CACNA1G: variants seen among roughly 807,000 people sequenced by gnomAD.
CACNA1G encodes voltage-dependent T-type calcium channel subunit alpha-1G.
Under a neutral mutation model 219.4 loss-of-function variants are expected in CACNA1G, and 67 were observed. That is an observed-to-expected ratio of 0.31 (90% CI 0.25 to 0.37). The LOEUF is 0.37. Ranked by LOEUF, CACNA1G falls within the 10% of genes least tolerant of loss-of-function variation. The pLI is 1.00. For synonymous variants in CACNA1G, 1,296 were observed against 1,345.3 expected (o/e 0.96, Z 0.80); for missense variants, 2,380 against 3,231.4 (o/e 0.74, Z 6.39).
chr17:50,608,589 CA>C (rs879270477), intron 25 of CACNA1G, among the ~76,000 whole-genome samples: 1 of 150,560 alleles, frequency 6.6e-6, no homozygotes, highest in Non-Finnish European at 1.5e-5. Context: ...AAAACAAAAA[CA>C]AAAAAAGAAA....
chr17:50,587,005 C>A (rs999839338), intron 9 of CACNA1G, among the ~76,000 whole-genome samples: 1 of 152,110 alleles, frequency 6.6e-6, no homozygotes, highest in Admixed American at 6.5e-5. Flanking sequence ...TTCACCGAAA[C>A]CTCCACTGGG....
Position 50,627,214 on chromosome 17 carries a change from T to A in CACNA1G, c.*463T>A. On this transcript the variant is annotated 3_prime_UTR_variant, in exon 38 of 38. Transcript: ENST00000359106. ...ACAGTCTAGTTATATTCCCTCTTCT[T>A]GCAAAGCACAAGCTGGGACCGCGAG... 1 of 454,340 alleles carries A rather than the reference T, an allele frequency of 2.2e-6. No individual in the cohort carries two copies. The highest frequency in any genetic ancestry group is 4.4e-6 in the Non-Finnish European group (1 of 227,036). 28.1% of individuals were successfully genotyped at this position (454,340 alleles called of 1,614,324 possible). A position where few individuals can be genotyped will look rare whatever the true frequency, so the allele number is the denominator to read the frequency against.
chr17:50,603,177 C>T lies in CACNA1G; in HGVS notation c.4147C>T (p.Leu1383=). ...ILGMLRVLRL[L]RTLRPLRVIS... is the part of the protein sequence containing the mutation. Reference sequence around the variant, plus strand: ...GGGCATGCTGAGGGTGCTGCGGCTGCTGCGGACCCTGCGCCCGCTCAGGTG... The same window carrying T: ...GGGCATGCTGAGGGTGCTGCGGCTGTTGCGGACCCTGCGCCCGCTCAGGTG... The change falls in exon 21 of 38, where the codon CTG becomes TTG. Residue 1383 remains leucine (L), a synonymous_variant. Coordinates refer to ENST00000359106, the MANE Select transcript of CACNA1G (RefSeq NM_018896.5). The surrounding 1 kb of genome is among the most constrained non-coding windows in gnomAD (Gnocchi z 6.4). The T allele has an allele frequency of 6.2e-7, 1 of 1,606,082 alleles. No homozygotes were observed. The highest frequency in any genetic ancestry group is 1.1e-5 in the South Asian group (1 of 91,020).
chr17:50,609,047 G>A (rs773985825), intron 25 of CACNA1G, among the ~76,000 whole-genome samples: 7 of 152,064 alleles, frequency 4.6e-5, no homozygotes, highest in Non-Finnish European at 7.4e-5. Context: ...TTCACAAATC[G>A]TCTTCCTTCC....
intron 19 of CACNA1G, 67 bp downstream of exon 19, chr17:50,601,241 G>C (rs1378212302): frequency 6.3e-7 from 1 of 1,580,706 alleles, no homozygotes; most frequent in Non-Finnish European, 8.6e-7. Flanking sequence ...AGTGAGGGAG[G>C]CAAGGAGGCC....
chr17:50,621,867 C>T lies in CACNA1G; in HGVS notation c.6060+73C>T, dbSNP rs2052184652. On this transcript the variant is annotated intron_variant, in intron 35 of 37. Transcript: ENST00000359106. The surrounding 1 kb of genome is among the most constrained non-coding windows in gnomAD (Gnocchi z 4.6). ...CTGGCTGCAGGGCTCCAGATCGGCC[C>T]AGGGAGGGTCCTGGGGCCGCCTCCT... 4.5e-6 allele frequency: 7 copies of T among 1,558,746 alleles called. No homozygotes were observed. Among genetic ancestry groups the T allele is most frequent in the Non-Finnish European group, 6.1e-6 (7 of 1,141,548 alleles).
Position 50,624,343 on chromosome 17 carries a change from C to A in CACNA1G, c.6230-17C>A. The A allele has an allele frequency of 6.9e-7, 1 of 1,444,356 alleles. No individual in the cohort carries two copies. The highest frequency in any genetic ancestry group is 9.4e-7 in the Non-Finnish European group (1 of 1,060,044). The allele number at this position is 1,444,356 out of a possible 1,614,324, so 89.5% of individuals were successfully genotyped here. ...ATTCTCTCCCCCCACCCCTCCCCCG[C>A]TTCCCTCCCTCCACAGGCTCCGTCT... is the stretch of plus-strand genomic sequence containing the variant. On this transcript the variant is annotated splice_polypyrimidine_tract_variant and intron_variant, in intron 36 of 37. Transcript: ENST00000359106.
At chr17:50,611,924 C>A (rs980779420) in intron 26 of CACNA1G, among the ~76,000 whole-genome samples, 1 of 152,192 alleles carries the variant, frequency 6.6e-6, no homozygotes, top group Admixed American at 6.5e-5. Context: ...AGTGGATAGA[C>A]CCCACTGTAT....
rs373654328 is a variant in CACNA1G, at chr17:50,577,442, C to T, written c.1925-746C>T. On this transcript the variant is annotated intron_variant, in intron 8 of 37. Transcript: ENST00000359106. ...GGCTAGGTCCCTGAGTGTGTGCGCA[C>T]GAGTGCATCTAGTATGCGTGTATGC... Among the ~76,000 whole-genome samples the T allele has an allele frequency of 8.1e-5, 12 of 149,002 alleles. No homozygotes were observed. In the South Asian group the frequency reaches 1.3e-3, roughly 17 times the overall value.
rs2050893531 is a variant in CACNA1G, at chr17:50,617,789, G to A, written c.5156-70G>A. ...TCCCAGCAGCCCCAGCCCAGCCCTG[G>A]TCCTGACTCTGCCAGCTGTCTGGCC... On this transcript the variant is annotated intron_variant, in intron 29 of 37. Transcript: ENST00000359106. The surrounding 1 kb of genome is among the most constrained non-coding windows in gnomAD (Gnocchi z 5.8). The A allele has an allele frequency of 1.3e-6, 2 of 1,571,092 alleles. No individual in the cohort carries two copies. Among genetic ancestry groups the A allele is most frequent in the African/African-American group, 1.3e-5 (1 of 74,168 alleles).
chr17:50,604,818 C>T (rs545979415), intron 22 of CACNA1G, among the ~76,000 whole-genome samples: 13 of 152,326 alleles, frequency 8.5e-5, no homozygotes, highest in East Asian at 3.9e-4. Flanking sequence ...ATTCAGCAGA[C>T]GCCTCAGGGG....
At chr17:50,595,362 G>T (rs1490622768) in intron 14 of CACNA1G, among the ~76,000 whole-genome samples, 1 of 152,236 alleles carries the variant, frequency 6.6e-6, no homozygotes, top group Non-Finnish European at 1.5e-5. Context: ...GTGTGCACGT[G>T]TGTGGGGCAC....
intron 1 of CACNA1G, among the ~76,000 whole-genome samples, chr17:50,566,987 C>T (rs1388442403): frequency 6.6e-6 from 1 of 152,216 alleles, no homozygotes; most frequent in Non-Finnish European, 1.5e-5. Flanking sequence ...TTCCAGACCC[C>T]CCTTTCCCTG....
At position 50,617,788 on chromosome 17, in the gene CACNA1G, G is replaced by C. The variant is rs111841970; in HGVS notation, c.5156-71G>C. The C allele has an allele frequency of 3.5e-5, 55 of 1,564,804 alleles. No individual in the cohort carries two copies. The East Asian group carries it at 1.1e-3, about 33-fold the overall frequency. On this transcript the variant is annotated intron_variant, in intron 29 of 37. Transcript: ENST00000359106. This position sits in a 1 kb window ranked among gnomAD's most constrained non-coding sequence, Gnocchi z 5.8. The stretch of plus-strand genomic sequence containing the variant: ...ATCCCAGCAGCCCCAGCCCAGCCCT[G>C]GTCCTGACTCTGCCAGCTGTCTGGC...
At position 50,621,732 on chromosome 17, in the gene CACNA1G, C is replaced by G. The variant is rs1435783304; in HGVS notation, c.5998C>G (p.Leu2000Val). 3 of 1,613,890 alleles carry G rather than the reference C, an allele frequency of 1.9e-6. No individual in the cohort carries two copies. Among genetic ancestry groups the G allele is most frequent in the African/African-American group, 2.7e-5 (2 of 74,932 alleles). ...GTCTGAACCGTCCTGCTCTCTAGCT[C>G]TGACGGATGACTCTTTGCCTGATGA... The part of the protein sequence containing the change: ...IVSEPSCSLA[L>V]TDDSLPDDMH... The change falls in exon 35 of 38, where the codon CTG becomes GTG. Residue 2000 changes from leucine (L) to valine (V), a missense_variant. By Grantham distance (32) the Leu-to-Val change is conservative. Coordinates refer to ENST00000359106, the MANE Select transcript of CACNA1G (RefSeq NM_018896.5). This position sits in a 1 kb window ranked among gnomAD's most constrained non-coding sequence, Gnocchi z 4.6.
Position 50,561,692 on chromosome 17 carries a change from T to C in CACNA1G, c.233T>C (p.Val78Ala). The change falls in exon 1 of 38, where the codon GTC becomes GCC. Residue 78 changes from valine (V) to alanine (A), a missense_variant. Val to Ala is a moderately conservative substitution (Grantham distance 64, BLOSUM62 0). Transcript: ENST00000359106. ...SRPRSWCLRTVCNPWFERISM... is the reference protein window; with the variant it reads ...SRPRSWCLRTACNPWFERISM... ...CCGCGGAGCTGGTGTCTCCGCACGG[T>C]CTGTAACCCATATCCTTCGGGGCAC... is the stretch of plus-strand genomic sequence containing the variant. 6.3e-7 allele frequency: 1 copy of C among 1,590,580 alleles called. No individual in the cohort carries two copies. Among genetic ancestry groups the C allele is most frequent in the South Asian group, 1.1e-5 (1 of 90,020 alleles).
chr17:50,592,869 G>T (rs2044639479), intron 13 of CACNA1G, among the ~76,000 whole-genome samples: 1 of 152,184 alleles, frequency 6.6e-6, no homozygotes, highest in South Asian at 2.1e-4. Flanking sequence ...CTCTCTGGGT[G>T]ACCCGGATGG....
rs116227985 is a variant in CACNA1G, at chr17:50,575,764, C to T, written c.1362C>T (p.Val454=). Reference sequence around the variant, plus strand: ...AGGCAGCCCGCAGGCTGGCTCAGGTCTCTCGGGCAGCAGGTGTGCGGGTTG... The same window carrying T: ...AGGCAGCCCGCAGGCTGGCTCAGGTTTCTCGGGCAGCAGGTGTGCGGGTTG... The part of the protein sequence containing the change: ...LRKAARRLAQ[V]SRAAGVRVGL... Residue 454 remains valine, a synonymous_variant, in exon 8 of 38, where the codon GTC becomes GTT. Transcript: ENST00000359106. 7.3e-4 allele frequency: 1,142 copies of T among 1,561,416 alleles called. 10 individuals carry two copies. In the African/African-American group the frequency reaches 0.014, roughly 19 times the overall value.
Position 50,602,702 on chromosome 17 carries a change from TG to T in CACNA1G, c.3916-113del, listed in dbSNP as rs954028606. On this transcript the variant is annotated intron_variant, in intron 19 of 37. Transcript: ENST00000359106. ...GCGTGATCTACATTGTTGTGGAGGGTGGGGGTCGTTTTCTGAGTCAAATGTT... is the reference window on the plus strand; with the variant it reads ...GCGTGATCTACATTGTTGTGGAGGGTGGGGTCGTTTTCTGAGTCAAATGTT... The T allele has an allele frequency of 8.9e-6, 7 of 788,110 alleles. No individual in the cohort carries two copies. In the Admixed American group the frequency reaches 1.0e-4, roughly 11 times the overall value. The allele number at this position is 788,110 out of a possible 1,614,324, so 48.8% of individuals were successfully genotyped here. A position where few individuals can be genotyped will look rare whatever the true frequency, so the allele number is the denominator to read the frequency against.
Sources: gnomAD v4.1 joint callset for allele counts (sites outside exome capture counted in the v4.1 genomes callset) on GRCh38, gnomAD v4.1.1 for gene constraint, Gnocchi (gnomAD v3.1) non-coding constraint, MANE v1.5 for transcripts, NCBI Gene and HGNC (gene_info 2026-07-23, HGNC 2026-07-21) for gene names.